Variants in SPOCK3 observed in about 807,000 individuals in gnomAD.
SPOCK3 encodes the protein SPARC (osteonectin), cwcv and kazal like domains proteoglycan 3.
SPOCK3 carries 30 observed loss-of-function variants against 56.6 expected under a neutral mutation model. The observed-to-expected ratio is 0.53, with a 90% CI of 0.40 to 0.72. The LOEUF (loss-of-function observed/expected upper bound fraction) is 0.72. SPOCK3 is among the 30% of genes least tolerant of loss of function. SPOCK3 has a pLI of 0.00. For missense variants in SPOCK3, 527 were observed against 530.0 expected, an observed-to-expected ratio of 0.99 and a Z score of 0.06; for synonymous variants, 196 against 183.3, an observed-to-expected ratio of 1.07 and a Z score of -0.56.
intron 2 of SPOCK3, among the ~76,000 whole-genome samples, chr4:167,160,745 C>T (rs1035822086): frequency 6.6e-6 from 1 of 152,114 alleles, no homozygotes; most frequent in Admixed American, 6.5e-5. Context: ...CACATAGCTA[C>T]AACTATCTGA....
chr4:167,103,834 GT>G (rs1032886937), intron 2 of SPOCK3, among the ~76,000 whole-genome samples: 3 of 152,140 alleles, frequency 2.0e-5, no homozygotes, highest in African/African-American at 7.2e-5. Context: ...TGTCCCACTG[GT>G]TGTGGCCACA....
In SPOCK3 at chr4:166,734,993, ATCT is replaced by A; in HGVS notation, c.1227_1229del (p.Glu409del). The A allele has an allele frequency of 6.5e-7, 1 of 1,541,820 alleles. No homozygotes were observed. The highest frequency in any genetic ancestry group is 9.0e-7 in the Non-Finnish European group (1 of 1,114,946). On this transcript the variant is annotated inframe_deletion, in exon 11 of 11. Transcript: ENST00000357545. ...CATCTTCATCATCATCTTCAATTTC[ATCT>A]TCATCATTCATAATATCGTCTTCAT... is the stretch of plus-strand genomic sequence containing the variant.
At chr4:166,970,480 T>G (rs1745254181) in intron 4 of SPOCK3, among the ~76,000 whole-genome samples, 1 of 152,114 alleles carries the variant, frequency 6.6e-6, no homozygotes, top group African/African-American at 2.4e-5. Context: ...TCCCAGCACT[T>G]TGGGAGGCTG....
chr4:167,125,470 T>C (rs753040739), intron 2 of SPOCK3, among the ~76,000 whole-genome samples: 1 of 149,140 alleles, frequency 6.7e-6, no homozygotes, highest in African/African-American at 2.5e-5. Flanking sequence ...TCCCAGCACT[T>C]TGGGAGGCTG....
intron 7 of SPOCK3, among the ~76,000 whole-genome samples, chr4:166,775,874 G>T (rs1739471335): frequency 6.6e-6 from 1 of 152,134 alleles, no homozygotes; most frequent in Non-Finnish European, 1.5e-5. Context: ...CACGCATGAA[G>T]AATACTAAAT....
chr4:167,030,991 C>T (rs1424085508), intron 3 of SPOCK3, among the ~76,000 whole-genome samples: 1 of 151,988 alleles, frequency 6.6e-6, no homozygotes, highest in Admixed American at 6.6e-5. Flanking sequence ...AAATTTTTCT[C>T]TCATCATATT....
At chr4:166,806,878 A>G (rs1326984671) in intron 6 of SPOCK3, among the ~76,000 whole-genome samples, 1 of 152,052 alleles carries the variant, frequency 6.6e-6, no homozygotes, top group African/African-American at 2.4e-5. Context: ...AAGCCTATAT[A>G]TACTGTGTTT....
At chr4:166,879,513 A>G (rs1579516670) in intron 6 of SPOCK3, among the ~76,000 whole-genome samples, 3 of 152,198 alleles carry the variant, frequency 2.0e-5, no homozygotes, top group African/African-American at 7.2e-5. Context: ...TCTAAAAAAA[A>G]GTGTAAGATT....
At chr4:167,043,040 CT>C (rs1561152911) in intron 3 of SPOCK3, among the ~76,000 whole-genome samples, 2 of 152,084 alleles carry the variant, frequency 1.3e-5, no homozygotes, top group African/African-American at 4.8e-5. Flanking sequence ...ACAGTTTTCT[CT>C]TTTGCAGAAT....
At position 166,742,079 on chromosome 4, in the gene SPOCK3, G is replaced by A. The variant is rs766386495; in HGVS notation, c.932-20C>T. 3.2e-6 allele frequency: 5 copies of A among 1,579,002 alleles called. No individual in the cohort carries two copies. Among genetic ancestry groups the A allele is most frequent in the South Asian group, 1.1e-5 (1 of 89,440 alleles). On this transcript the variant is annotated intron_variant, in intron 8 of 10. Coordinates refer to ENST00000357545, the MANE Select transcript of SPOCK3 (RefSeq NM_001040159.2). ...GTGGGTCTGCAATGACATTAAAAAT[G>A]TTACTTCAAGGATTCTAGTTAAACA...
At chr4:167,096,428 T>C (rs1445589771) in intron 2 of SPOCK3, among the ~76,000 whole-genome samples, 1 of 151,842 alleles carries the variant, frequency 6.6e-6, no homozygotes, top group Non-Finnish European at 1.5e-5. Context: ...TTTTGCTGCA[T>C]CCTACAAATT....
intron 3 of SPOCK3, among the ~76,000 whole-genome samples, chr4:167,038,995 GACATTTATT>G (rs1288279113): frequency 1.1e-4 from 17 of 152,156 alleles, no homozygotes; most frequent in Admixed American, 1.1e-3. Flanking sequence ...AAAAAAAACA[GACATTTATT>G]ATGTCACATT....
intron 2 of SPOCK3, among the ~76,000 whole-genome samples, chr4:167,221,205 TAAA>T (rs35978868): frequency 6.2e-5 from 9 of 144,142 alleles, no homozygotes; most frequent in Admixed American, 6.2e-4. Flanking sequence ...TACAAAAAAT[TAAA>T]AAAAAAAAAA....
chr4:166,892,516 G>A (rs1734886344), intron 5 of SPOCK3, among the ~76,000 whole-genome samples: 1 of 151,858 alleles, frequency 6.6e-6, no homozygotes, highest in African/African-American at 2.4e-5. Flanking sequence ...ATTAAAAAAT[G>A]CTACTTTAAA....
chr4:166,749,330 C>T (rs1312754802), intron 8 of SPOCK3, among the ~76,000 whole-genome samples: 15 of 107,778 alleles, frequency 1.4e-4, no homozygotes, highest in Non-Finnish European at 2.1e-4. Flanking sequence ...AGTTCATGTC[C>T]TTTGTAGGGA....
chr4:167,121,452 G>A (rs1245152881), intron 2 of SPOCK3, among the ~76,000 whole-genome samples: 2 of 151,194 alleles, frequency 1.3e-5, no homozygotes, highest in African/African-American at 4.9e-5. Context: ...CTCATGTAGA[G>A]ATTTCTTCTC....
At chr4:166,911,092 C>A (rs1388365674) in intron 5 of SPOCK3, among the ~76,000 whole-genome samples, 1 of 152,130 alleles carries the variant, frequency 6.6e-6, no homozygotes, top group Non-Finnish European at 1.5e-5. Context: ...CCTACCTATA[C>A]CATGTTAAAT....
chr4:166,995,421 C>T (rs115029495), intron 4 of SPOCK3, among the ~76,000 whole-genome samples: 3 of 152,050 alleles, frequency 2.0e-5, no homozygotes, highest in South Asian at 4.2e-4. Flanking sequence ...TGCAAACCTT[C>T]GTCATCCTAA....
At chr4:166,743,738 T>C (rs1378908122) in intron 8 of SPOCK3, among the ~76,000 whole-genome samples, 4 of 152,094 alleles carry the variant, frequency 2.6e-5, no homozygotes, top group South Asian at 2.1e-4. Context: ...ACCTGGAAAA[T>C]TGGGACACTC....
Sources: gnomAD v4.1 joint callset for allele counts (sites outside exome capture counted in the v4.1 genomes callset) on GRCh38, gnomAD v4.1.1 for gene constraint, MANE v1.5 for transcripts, NCBI Gene and HGNC (gene_info 2026-07-23, HGNC 2026-07-21) for gene names.